Variants in PSME3 observed in about 807,000 individuals in gnomAD.
PSME3 encodes proteasome activator subunit 3.
Under a neutral mutation model 38.3 loss-of-function variants are expected in PSME3, and 7 were observed. The observed-to-expected ratio is 0.18, with a 90% CI of 0.10 to 0.34. The LOEUF is 0.34. Among genes scored for constraint, PSME3 ranks in the 10% least tolerant of loss-of-function variants. The pLI is 1.00. For synonymous variants in PSME3, 108 were observed against 105.7 expected, an observed-to-expected ratio of 1.02 and a Z score of -0.13; for missense variants, 192 against 307.6, an observed-to-expected ratio of 0.62 and a Z score of 2.81.
rs115085968 is a variant in PSME3 at position 42,836,482 on chromosome 17, T to A, written c.244-1167T>A. 2.0e-3 allele frequency among the ~76,000 whole-genome samples: 298 copies of A among 152,356 alleles called. 1 individual carries two copies. Among genetic ancestry groups the A allele is most frequent in the African/African-American group, 7.0e-3 (290 of 41,578 alleles). ...ATTGGTTCTTTTTTCCTATTCTTTA[T>A]AATACTTAATGTATTGTGTTTCTGG... On this transcript the variant is annotated intron_variant, in intron 4 of 10. Transcript: ENST00000590720.
chr17:42,834,528 T>C lies in PSME3; in HGVS notation c.89T>C (p.Val30Ala), dbSNP rs2055438808. The C allele has an allele frequency of 6.2e-7, 1 of 1,613,642 alleles. No individual in the cohort carries two copies. ...ERITSEAEDL[V>A]ANFFPKKLLE... ...CCTCTTCCTTAGGCAGAAGACTTGG[T>C]GGCAAATTTTTTCCCAAAGAAGTTA... Residue 30 changes from valine to alanine, a missense_variant, in exon 3 of 11, where the codon GTG becomes GCG. By Grantham distance (64) the Val-to-Ala change is moderately conservative (BLOSUM62 0). Around this residue, in one of 2 missense-constraint regions of PSME3, gnomAD observed 110 missense variants for 139.3 expected, o/e 0.79. Coordinates refer to ENST00000590720, the MANE Select transcript of PSME3 (RefSeq NM_005789.4).
intron 4 of PSME3, among the ~76,000 whole-genome samples, chr17:42,837,309 A>G (rs1270691724): frequency 1.3e-5 from 2 of 152,100 alleles, no homozygotes; most frequent in African/African-American, 4.8e-5. Context: ...TTGGCCTCTT[A>G]AAGTGCTGGG....
intron 2 of PSME3, 66 bp downstream of exon 2, chr17:42,834,442 G>GAGAC: frequency 1.3e-6 from 2 of 1,532,020 alleles, no homozygotes; most frequent in Non-Finnish European, 1.8e-6. Context: ...TACCTGGAGA[G>GAGAC]AGAGAGAGAG....
At position 42,834,834 on chromosome 17, in the gene PSME3, T is replaced by C; in HGVS notation, c.201T>C (p.Pro67=). ...ACTCTGACATGAATCTCCCAGTCCCTGACCCCATTCTTCTCACCAATAGCC... is the reference window on the plus strand; with the variant it reads ...ACTCTGACATGAATCTCCCAGTCCCCGACCCCATTCTTCTCACCAATAGCC... The part of the protein sequence containing the change: ...QIHSDMNLPV[P]DPILLTNSHD... Residue 67 remains proline, a synonymous_variant, in exon 4 of 11, where the codon CCT becomes CCC. Transcript: ENST00000590720. 1 of 1,614,036 alleles carries C rather than the reference T, an allele frequency of 6.2e-7. No individual in the cohort carries two copies. The highest frequency in any genetic ancestry group is 8.5e-7 in the Non-Finnish European group (1 of 1,179,946).
intron 4 of PSME3, 64 bp from the exon 5 acceptor site, chr17:42,837,585 G>A (rs905405336): frequency 5.0e-5 from 75 of 1,490,350 alleles, no homozygotes; most frequent in Non-Finnish European, 6.5e-5. Context: ...TTGCTTGAAG[G>A]GTATCTTGTG....
chr17:42,840,767 C>A (rs184919183), intron 10 of PSME3, among the ~76,000 whole-genome samples: 88 of 152,254 alleles, frequency 5.8e-4, no homozygotes, highest in African/African-American at 1.5e-3. Flanking sequence ...CTTGGAAATA[C>A]CCATTTATAC....
chr17:42,841,533 G>C lies in PSME3; in HGVS notation c.720G>C (p.Glu240Asp). The change falls in exon 11 of 11, where the codon GAG (glutamate) becomes GAC (aspartate). Residue 240 changes from glutamate (E) to aspartate (D), a missense_variant. Glu to Asp is a conservative substitution (Grantham distance 45). Transcript: ENST00000590720. ...TLHDMILKNI[E>D]KIKRPRSSNA... Reference sequence around the variant, plus strand: ...ATGACATGATCCTGAAAAATATCGAGAAGATCAAACGGCCCCGGAGCAGCA... The same window carrying C: ...ATGACATGATCCTGAAAAATATCGACAAGATCAAACGGCCCCGGAGCAGCA... 1.2e-6 allele frequency: 2 copies of C among 1,609,802 alleles called. No individual in the cohort carries two copies. The highest frequency in any genetic ancestry group is 1.7e-6 in the Non-Finnish European group (2 of 1,177,594).
intron 6 of PSME3, 114 bp from the exon 7 acceptor site, chr17:42,838,617 C>A: frequency 9.7e-7 from 1 of 1,035,272 alleles, no homozygotes; most frequent in Non-Finnish European, 1.5e-6. Context: ...CATGCCTGGC[C>A]AGACTAGGTA....
intron 5 of PSME3, among the ~76,000 whole-genome samples, 163 bp from the exon 6 acceptor site, chr17:42,837,930 T>G (rs2055483064): frequency 6.6e-6 from 1 of 152,228 alleles, no homozygotes; most frequent in East Asian, 1.9e-4. Context: ...CTGTAGTTCT[T>G]TTTTTCCATA....
chr17:42,837,605 T>G, intron 4 of PSME3, 44 bp from the exon 5 acceptor site: 2 of 1,583,694 alleles, frequency 1.3e-6, no homozygotes, highest in Admixed American at 1.7e-5. Flanking sequence ...GATGGAGATG[T>G]GGGTGTCAAA....
At chr17:42,839,215 G>T (rs752311685) in intron 9 of PSME3, 49 bp downstream of exon 9, 3 of 1,560,888 alleles carry the variant, frequency 1.9e-6, no homozygotes, top group Non-Finnish European at 2.7e-6. Flanking sequence ...GGATAGTGAA[G>T]AGTGACTGTT....
intron 1 of PSME3, 179 bp from the exon 2 acceptor site, chr17:42,834,165 C>A: frequency 1.3e-6 from 2 of 1,509,646 alleles, no homozygotes; most frequent in South Asian, 1.3e-5. Flanking sequence ...GTCCTCAAAG[C>A]CCTGCGTTCT....
At position 42,842,189 on chromosome 17, in the gene PSME3, T is replaced by G. The variant is rs551529043; in HGVS notation, c.*611T>G. On this transcript the variant is annotated 3_prime_UTR_variant, in exon 11 of 11. Transcript: ENST00000590720. ...GAAGCTCCTTCAGTTGTTTTTATAA[T>G]GGGCGTTTTCACATGCACATATGTG... 6.6e-6 allele frequency: 1 copy of G among 152,634 alleles called. No homozygotes were observed. The highest frequency in any genetic ancestry group is 6.5e-5 in the Admixed American group (1 of 15,296). 9.5% of individuals were successfully genotyped at this position (152,634 alleles called of 1,614,324 possible).
intron 1 of PSME3, 104 bp from the exon 2 acceptor site, chr17:42,834,240 C>T (rs755338300): frequency 5.0e-6 from 8 of 1,594,706 alleles, no homozygotes; most frequent in African/African-American, 1.4e-5. Flanking sequence ...CTCTCAGCTT[C>T]TTATTACAGT....
In PSME3 at chr17:42,833,527, G is replaced by C. The variant is rs1326417724; in HGVS notation, c.-105G>C. The C allele has an allele frequency of 3.4e-6, 5 of 1,464,800 alleles. No homozygotes were observed. Among genetic ancestry groups the C allele is most frequent in the Non-Finnish European group, 4.7e-6 (5 of 1,053,006 alleles). The allele number at this position is 1,464,800 out of a possible 1,614,324, so 90.7% of individuals were successfully genotyped here. A position where few individuals can be genotyped will look rare whatever the true frequency, so the allele number is the denominator to read the frequency against. Reference sequence around the variant, plus strand: ...AGCAGTGAGTAAGCCAGCAAGGGCGGTCGGGTCCCGAGGTCAGCCGAGATT... The same window carrying C: ...AGCAGTGAGTAAGCCAGCAAGGGCGCTCGGGTCCCGAGGTCAGCCGAGATT... On this transcript the variant is annotated 5_prime_UTR_variant, in exon 1 of 11. Transcript: ENST00000590720.
At position 42,833,604 on chromosome 17, in the gene PSME3, A is replaced by G. The variant is rs991690752; in HGVS notation, c.-28A>G. 1 of 1,613,874 alleles carries G rather than the reference A, an allele frequency of 6.2e-7. No homozygotes were observed. The highest frequency in any genetic ancestry group is 8.5e-7 in the Non-Finnish European group (1 of 1,179,788). ...GGAGTCCACAGCGCCTCCGGTGTCCAGAGGATCGGACACGGCCCGGCCCGG... is the reference window on the plus strand; with the variant it reads ...GGAGTCCACAGCGCCTCCGGTGTCCGGAGGATCGGACACGGCCCGGCCCGG... On this transcript the variant is annotated 5_prime_UTR_variant, in exon 1 of 11. Transcript: ENST00000590720.
At position 42,842,423 on chromosome 17, in the gene PSME3, A is replaced by G. The variant is rs537974179; in HGVS notation, c.*845A>G. ...CAGGGTGAGTTGGTGGAGAACAGAG[A>G]GATGAGAAGCAGAGGGCTTGGGGAA... On this transcript the variant is annotated 3_prime_UTR_variant, in exon 11 of 11. Transcript: ENST00000590720. 1 of 152,748 alleles carries G rather than the reference A, an allele frequency of 6.5e-6. No homozygotes were observed. Among genetic ancestry groups the G allele is most frequent in the Admixed American group, 6.5e-5 (1 of 15,270 alleles). 9.5% of individuals were successfully genotyped at this position (152,748 alleles called of 1,614,324 possible).
chr17:42,839,097 TCTC>T lies in PSME3; in HGVS notation c.543-14_543-12del. On this transcript the variant is annotated splice_polypyrimidine_tract_variant and intron_variant, in intron 8 of 10. Coordinates refer to ENST00000590720, the MANE Select transcript of PSME3 (RefSeq NM_005789.4). ...AGGGTCTCCTGCATCTTCCTCCTCT[TCTC>T]TCTCTTTCCAGATATTATATTACAA... 1 of 1,588,494 alleles carries T rather than the reference TCTC, an allele frequency of 6.3e-7. No individual in the cohort carries two copies. Among genetic ancestry groups the T allele is most frequent in the Non-Finnish European group, 8.6e-7 (1 of 1,156,676 alleles).
Position 42,838,878 on chromosome 17 carries a change from T to A in PSME3, c.475-67T>A, listed in dbSNP as rs2055496255. On this transcript the variant is annotated intron_variant, in intron 7 of 10. Coordinates refer to ENST00000590720, the MANE Select transcript of PSME3 (RefSeq NM_005789.4). ...TCCCCTGCGTTACCTTTTTTTCCTT[T>A]TTCTTTGGGGCTGCTGTGGATGACA... 3 of 1,602,084 alleles carry A rather than the reference T, an allele frequency of 1.9e-6. No individual in the cohort carries two copies. In the East Asian group the frequency reaches 6.7e-5, roughly 36 times the overall value.
Sources: allele counts gnomAD v4.1 joint callset (sites outside exome capture counted in the v4.1 genomes callset), GRCh38; gene constraint gnomAD v4.1.1; regional missense constraint gnomAD v4.1.1; transcripts MANE v1.5; gene names NCBI Gene and HGNC (gene_info 2026-07-23, HGNC 2026-07-21).